PKHD1: variants seen among roughly 807,000 people sequenced by gnomAD.
The protein encoded by PKHD1 is fibrocystin.
PKHD1 carries 291 observed loss-of-function variants against 412.0 expected under a neutral mutation model. The ratio of observed to expected loss-of-function variants is 0.71; its 90% CI spans 0.64 to 0.78. The LOEUF (loss-of-function observed/expected upper bound fraction) is 0.78, where lower values mean the gene tolerates loss of function less well. PKHD1 is among the 30% of genes least tolerant of loss of function. The pLI is 0.00. For synonymous variants in PKHD1, 1,777 were observed against 1,821.5 expected, an observed-to-expected ratio of 0.98 and a Z score of 0.62; for missense variants, 4,825 against 4,950.7, an observed-to-expected ratio of 0.97 and a Z score of 0.76.
At chr6:52,078,350 T>A (rs1217601696) in intron 5 of PKHD1, among the ~76,000 whole-genome samples, 4 of 152,088 alleles carry the variant, frequency 2.6e-5, no homozygotes, top group Non-Finnish European at 5.9e-5. Context: ...GGCCCCAGTG[T>A]GGTCAGTAGA....
At chr6:51,646,511 T>C (rs1227915919) in intron 63 of PKHD1, among the ~76,000 whole-genome samples, 1 of 152,286 alleles carries the variant, frequency 6.6e-6, no homozygotes, top group Admixed American at 6.5e-5. Flanking sequence ...ACTATATTAA[T>C]TGTAAAACAC....
chr6:51,932,103 T>C (rs1156992542), intron 37 of PKHD1, among the ~76,000 whole-genome samples: 1 of 152,236 alleles, frequency 6.6e-6, no homozygotes, highest in African/African-American at 2.4e-5. Flanking sequence ...ACATTTTTTC[T>C]GAACTTTCAG....
intron 46 of PKHD1, among the ~76,000 whole-genome samples, chr6:51,873,239 C>G (rs1776282811): frequency 6.6e-6 from 1 of 152,130 alleles, no homozygotes; most frequent in African/African-American, 2.4e-5. Context: ...AATAACCAAA[C>G]TTACAAATGA....
At chr6:51,840,672 A>C (rs929129700) in intron 50 of PKHD1, among the ~76,000 whole-genome samples, 1 of 152,170 alleles carries the variant, frequency 6.6e-6, no homozygotes, top group Non-Finnish European at 1.5e-5. Context: ...AAAAAACACA[A>C]ATGTAAGGAA....
chr6:52,045,548 A>G (rs1250153083), intron 24 of PKHD1, among the ~76,000 whole-genome samples: 2 of 152,224 alleles, frequency 1.3e-5, no homozygotes, highest in Non-Finnish European at 2.9e-5. Flanking sequence ...GCTTCATTTT[A>G]TAATAACCAA....
chr6:51,839,494 T>C (rs2151570654), intron 50 of PKHD1, among the ~76,000 whole-genome samples: 1 of 152,040 alleles, frequency 6.6e-6, no homozygotes. Context: ...ACATCTAGGG[T>C]GAAGAGGAAA....
At chr6:51,771,058 G>T (rs1184996559) in intron 55 of PKHD1, among the ~76,000 whole-genome samples, 1 of 151,914 alleles carries the variant, frequency 6.6e-6, no homozygotes, top group Non-Finnish European at 1.5e-5. Context: ...CAACATACTG[G>T]CCTGCTTACA....
At position 51,960,016 on chromosome 6, in the gene PKHD1, G is replaced by A; in HGVS notation, c.5762C>T (p.Ser1921Phe). 1 of 1,613,338 alleles carries A rather than the reference G, an allele frequency of 6.2e-7. No homozygotes were observed. The highest frequency in any genetic ancestry group is 8.5e-7 in the Non-Finnish European group (1 of 1,179,512). Residue 1921 changes from serine (S) to phenylalanine (F), a missense_variant, in exon 36 of 67, where the codon TCT becomes TTT. By Grantham distance (155) the Ser-to-Phe change is radical (BLOSUM62 -2). Transcript: ENST00000371117. Reference protein sequence around the residue: ...RWGQNTQGNFSLQFCRRWSRT... With the variant: ...RWGQNTQGNFFLQFCRRWSRT... ...GGACCATCTCCGGCAGAACTGTAAA[G>A]AAAAGTTGCCCTGGAAAACAGAGAG... is the stretch of plus-strand genomic sequence containing the variant.
chr6:52,069,627 T>A, intron 10 of PKHD1, 100 bp from the exon 11 acceptor site: 1 of 854,212 alleles, frequency 1.2e-6, no homozygotes, highest in South Asian at 1.3e-5. Context: ...CTAACCTCTA[T>A]TGATCTTTAG....
At chr6:51,798,725 T>C (rs1474801033) in intron 52 of PKHD1, among the ~76,000 whole-genome samples, 2 of 152,198 alleles carry the variant, frequency 1.3e-5, no homozygotes, top group Non-Finnish European at 2.9e-5. Context: ...GTTTTCCAAA[T>C]TGGTTTCATT....
chr6:51,993,414 C>A (rs1028597669), intron 35 of PKHD1, among the ~76,000 whole-genome samples: 1 of 152,204 alleles, frequency 6.6e-6, no homozygotes, highest in Admixed American at 6.5e-5. Flanking sequence ...TTTTACTTTT[C>A]TTATTATTTC....
intron 36 of PKHD1, among the ~76,000 whole-genome samples, chr6:51,941,596 C>T (rs1788580300): frequency 6.6e-6 from 1 of 151,368 alleles, no homozygotes; most frequent in South Asian, 2.1e-4. Context: ...TTTACAATTC[C>T]ACCATTTTAC....
intron 36 of PKHD1, among the ~76,000 whole-genome samples, chr6:51,939,446 T>C (rs1210938923): frequency 6.6e-6 from 1 of 151,428 alleles, no homozygotes; most frequent in Non-Finnish European, 1.5e-5. Flanking sequence ...CCTTATCCTG[T>C]GTTCTCAAGA....
intron 55 of PKHD1, among the ~76,000 whole-genome samples, chr6:51,758,211 T>C (rs559823319): frequency 6.6e-6 from 1 of 152,268 alleles, no homozygotes; most frequent in South Asian, 2.1e-4. Flanking sequence ...TATGAGTTCA[T>C]TAAAATGTAT....
At chr6:51,778,479 G>T (rs1472765886) in intron 53 of PKHD1, among the ~76,000 whole-genome samples, 1 of 152,038 alleles carries the variant, frequency 6.6e-6, no homozygotes, top group Admixed American at 6.6e-5. Flanking sequence ...GCGAAGTTGG[G>T]CCTTAGACTT....
At chr6:51,727,043 C>G (rs1782665770) in intron 60 of PKHD1, among the ~76,000 whole-genome samples, 1 of 152,118 alleles carries the variant, frequency 6.6e-6, no homozygotes, top group Non-Finnish European at 1.5e-5. Context: ...TTAGCTATTG[C>G]TGATTTTGAA....
chr6:51,657,267 GGA>G (rs1772027305), intron 61 of PKHD1, among the ~76,000 whole-genome samples: 2 of 152,078 alleles, frequency 1.3e-5, no homozygotes, highest in African/African-American at 4.8e-5. Flanking sequence ...GGCTGGCTCT[GGA>G]GACTGTGTCG....
intron 45 of PKHD1, among the ~76,000 whole-genome samples, 158 bp from the exon 46 acceptor site, chr6:51,883,385 C>T (rs547232589): frequency 6.7e-6 from 1 of 149,230 alleles, no homozygotes. Flanking sequence ...CCTCAAGTTG[C>T]TGTGAGGTCA....
chr6:51,921,264 C>T (rs116807104), intron 37 of PKHD1, among the ~76,000 whole-genome samples: 3,462 of 152,192 alleles, frequency 0.023, 49 homozygotes, highest in Non-Finnish European at 0.033. Context: ...GCAATTAGTG[C>T]GATAAATTAT....
Sources: gnomAD v4.1 joint callset for allele counts (sites outside exome capture counted in the v4.1 genomes callset) on GRCh38, gnomAD v4.1.1 for gene constraint, MANE v1.5 for transcripts, NCBI Gene and HGNC (gene_info 2026-07-23, HGNC 2026-07-21) for gene names.